Variants in GALNT13 observed in about 807,000 individuals in gnomAD.
GALNT13 encodes UDP-GalNAc:polypeptide N-acetylgalactosaminyltransferase 13.
GALNT13 carries 28 observed loss-of-function variants against 64.2 expected under a neutral mutation model. That is an observed-to-expected ratio of 0.44 (90% CI 0.32 to 0.60). The LOEUF is 0.60. Ranked by LOEUF, GALNT13 falls within the 20% of genes least tolerant of loss-of-function variation. The pLI, the probability that GALNT13 is intolerant of heterozygous loss-of-function variation, is 0.05. For synonymous variants in GALNT13, 214 were observed against 224.6 expected (o/e 0.95, Z 0.42); for missense variants, 577 against 669.8 (o/e 0.86, Z 1.53).
At chr2:153,629,559 A>C in the GALNT13 span, among the ~76,000 whole-genome samples, 2 of 152,218 alleles carry the variant, frequency 1.3e-5, no homozygotes, top group East Asian at 3.8e-4. Context: ...AAGAAAACCT[A>C]GTCATTACCA....
the GALNT13 span, among the ~76,000 whole-genome samples, chr2:153,267,173 C>A: frequency 6.6e-6 from 1 of 152,192 alleles, no homozygotes; most frequent in Admixed American, 6.5e-5. Context: ...GCTCCCTTGA[C>A]CTTGGGGAGC....
At chr2:153,749,451 C>A in the GALNT13 span, among the ~76,000 whole-genome samples, 1 of 152,062 alleles carries the variant, frequency 6.6e-6, no homozygotes, top group East Asian at 1.9e-4. Flanking sequence ...TAACAATATT[C>A]ATTCTTCCAA....
the GALNT13 span, among the ~76,000 whole-genome samples, chr2:153,569,974 C>T: frequency 1.2e-4 from 19 of 152,278 alleles, no homozygotes; most frequent in African/African-American, 4.3e-4. Flanking sequence ...GCTTATTTCA[C>T]TTAACAAAAT....
At chr2:153,282,597 G>T in the GALNT13 span, among the ~76,000 whole-genome samples, 4 of 152,150 alleles carry the variant, frequency 2.6e-5, no homozygotes, top group Admixed American at 6.5e-5. Flanking sequence ...ATATTTTTTT[G>T]TAGGGATAGG....
chr2:153,869,350 T>G (rs1293374998), upstream of GALNT13, among the ~76,000 whole-genome samples: 1 of 152,166 alleles, frequency 6.6e-6, no homozygotes, highest in Admixed American at 6.5e-5. Context: ...CCCAGTTTGC[T>G]CTCCAATTCT....
chr2:153,097,376 ATTAT>A, the GALNT13 span, among the ~76,000 whole-genome samples: 2 of 151,972 alleles, frequency 1.3e-5, no homozygotes, highest in South Asian at 2.1e-4. Flanking sequence ...CCTTCAGGTG[ATTAT>A]TTATTTCTCA....
At chr2:153,995,111 G>GA (rs11407557) in intron 3 of GALNT13, among the ~76,000 whole-genome samples, 98,781 of 151,626 alleles carry the variant, frequency 0.65, 32,921 homozygotes, top group East Asian at 0.94. Flanking sequence ...ATACAACTAA[G>GA]AAACAATTAA....
chr2:154,404,222 G>A (rs1699426436), intron 10 of GALNT13, among the ~76,000 whole-genome samples: 1 of 152,180 alleles, frequency 6.6e-6, no homozygotes, highest in South Asian at 2.1e-4. Context: ...ATGTGGAGTA[G>A]TTAGAATGTG....
chr2:153,450,673 ATCAG>A, the GALNT13 span, among the ~76,000 whole-genome samples: 2 of 151,968 alleles, frequency 1.3e-5, no homozygotes, highest in Non-Finnish European at 1.5e-5. Flanking sequence ...ATGAACACAT[ATCAG>A]TCAGTCTTCC....
chr2:153,953,872 G>A (rs1351337687), intron 3 of GALNT13, among the ~76,000 whole-genome samples: 4 of 152,040 alleles, frequency 2.6e-5, no homozygotes, highest in African/African-American at 9.7e-5. Context: ...AAAATGAGTG[G>A]AATTGCTGAC....
intron 4 of GALNT13, among the ~76,000 whole-genome samples, chr2:154,212,392 C>T (rs1023466855): frequency 1.3e-5 from 2 of 151,760 alleles, no homozygotes; most frequent in South Asian, 2.1e-4. Context: ...TACAGGTGCT[C>T]GCCACCACGC....
chr2:153,828,536 G>C, the GALNT13 span, among the ~76,000 whole-genome samples: 1 of 152,020 alleles, frequency 6.6e-6, no homozygotes, highest in African/African-American at 2.4e-5. Context: ...GAGTGGCTGG[G>C]ACACGGGGTA....
At chr2:154,248,160 C>T (rs1300812710) in intron 7 of GALNT13, among the ~76,000 whole-genome samples, 5 of 152,014 alleles carry the variant, frequency 3.3e-5, no homozygotes, top group African/African-American at 1.2e-4. Context: ...TTGTAGTCAC[C>T]ATAATTGGCT....
chr2:154,378,592 A>G (rs1698110190), intron 9 of GALNT13, among the ~76,000 whole-genome samples: 1 of 152,268 alleles, frequency 6.6e-6, no homozygotes, highest in South Asian at 2.1e-4. Context: ...AAAAGTATGT[A>G]ACAAATGTGA....
At chr2:154,271,720 GT>G (rs1691366820) in intron 8 of GALNT13, among the ~76,000 whole-genome samples, 6 of 151,736 alleles carry the variant, frequency 4.0e-5, no homozygotes, top group African/African-American at 1.5e-4. Context: ...AATACTATCT[GT>G]TTATTTTATT....
chr2:154,183,325 T>C (rs1369556402), intron 4 of GALNT13, among the ~76,000 whole-genome samples: 1 of 152,194 alleles, frequency 6.6e-6, no homozygotes, highest in Non-Finnish European at 1.5e-5. Context: ...CTGTTCATAG[T>C]AGTTTCTTAT....
intron 3 of GALNT13, among the ~76,000 whole-genome samples, chr2:154,109,460 C>CT (rs201236059): frequency 2.9e-4 from 43 of 149,636 alleles, no homozygotes; most frequent in East Asian, 5.9e-4. Flanking sequence ...ATTCAGATGA[C>CT]TTTTTTTTTT....
At chr2:154,071,968 G>A (rs948539105) in intron 3 of GALNT13, among the ~76,000 whole-genome samples, 8 of 152,070 alleles carry the variant, frequency 5.3e-5, no homozygotes, top group African/African-American at 1.9e-4. Flanking sequence ...GCTTTGTTTA[G>A]CGTGAATTAT....
At chr2:153,911,863 A>C (rs1020294984) in intron 2 of GALNT13, among the ~76,000 whole-genome samples, 3 of 152,042 alleles carry the variant, frequency 2.0e-5, no homozygotes, top group African/African-American at 7.2e-5. Flanking sequence ...GCCTTGGAGA[A>C]TATGATGATT....
Sources: allele counts gnomAD v4.1 joint callset (sites outside exome capture counted in the v4.1 genomes callset), GRCh38; gene constraint gnomAD v4.1.1; transcripts MANE v1.5; gene names NCBI Gene and HGNC (gene_info 2026-07-23, HGNC 2026-07-21).